ALK: variants seen among roughly 807,000 people sequenced by gnomAD.
ALK encodes ALK tyrosine kinase receptor.
In ALK, 74 loss-of-function variants were observed where a neutral mutation model predicts 163.1. The ratio of observed to expected loss-of-function variants is 0.45; its 90% CI spans 0.38 to 0.55. ALK has a LOEUF of 0.55. Among genes scored for constraint, ALK ranks in the 20% least tolerant of loss-of-function variants. The pLI, the probability that ALK is intolerant of heterozygous loss-of-function variation, is 0.00. For synonymous variants in ALK, 960 were observed against 843.2 expected, an observed-to-expected ratio of 1.14 and a Z score of -2.40; for missense variants, 2,063 against 2,105.3, an observed-to-expected ratio of 0.98 and a Z score of 0.39.
intron 7 of ALK, 147 bp downstream of exon 7, chr2:29,320,604 G>C: frequency 1.8e-6 from 2 of 1,104,260 alleles, no homozygotes; most frequent in South Asian, 2.5e-5. Flanking sequence ...GGTGTGAAGA[G>C]GGAATTGTGT....
intron 11 of ALK, among the ~76,000 whole-genome samples, chr2:29,252,961 A>C (rs1664860598): frequency 6.6e-6 from 1 of 151,722 alleles, no homozygotes; most frequent in Non-Finnish European, 1.5e-5. Context: ...AGTAGCTGGG[A>C]CTACAGACCT....
At chr2:29,226,891 C>T (rs1185701188) in intron 18 of ALK, 31 bp downstream of exon 18, 13 of 1,613,250 alleles carry the variant, frequency 8.1e-6, no homozygotes, top group Non-Finnish European at 1.1e-5. Flanking sequence ...GGCTATGGGC[C>T]CCTCTGCCTC....
chr2:29,914,789 T>C (rs1464209901), intron 1 of ALK, among the ~76,000 whole-genome samples: 11 of 152,202 alleles, frequency 7.2e-5, no homozygotes, highest in Admixed American at 4.6e-4. Flanking sequence ...TTGACATGTC[T>C]TGCTCTTTGT....
At chr2:29,781,215 G>A (rs1045759091) in intron 1 of ALK, among the ~76,000 whole-genome samples, 1 of 152,224 alleles carries the variant, frequency 6.6e-6, no homozygotes, top group African/African-American at 2.4e-5. Context: ...TGTCAGGGCT[G>A]TGGAGGCAGC....
chr2:29,830,761 AAGCATGGT>A (rs1248999730), intron 1 of ALK, among the ~76,000 whole-genome samples: 1 of 134,068 alleles, frequency 7.5e-6, no homozygotes, highest in Admixed American at 7.7e-5. Flanking sequence ...AAACTTAGCC[AAGCATGGT>A]GGCATGTGCC....
intron 1 of ALK, among the ~76,000 whole-genome samples, chr2:29,864,078 A>T (rs1666363895): frequency 6.6e-6 from 1 of 152,136 alleles, no homozygotes; most frequent in African/African-American, 2.4e-5. Context: ...CATTTTTCAG[A>T]CTAGAAAACT....
chr2:29,680,516 T>A (rs1390716033), intron 3 of ALK, among the ~76,000 whole-genome samples: 1 of 152,136 alleles, frequency 6.6e-6, no homozygotes, highest in Non-Finnish European at 1.5e-5. Context: ...ACCCAAGATT[T>A]TCCATTTTGG....
chr2:29,349,266 C>G (rs1467120399), intron 5 of ALK, among the ~76,000 whole-genome samples: 1 of 152,172 alleles, frequency 6.6e-6, no homozygotes, highest in South Asian at 2.1e-4. Flanking sequence ...TGTGTTGCAG[C>G]CTGCCACTTT....
At chr2:29,233,470 G>C (rs2148184317) in intron 14 of ALK, 95 bp downstream of exon 14, 7 of 1,554,912 alleles carry the variant, frequency 4.5e-6, no homozygotes, top group Non-Finnish European at 6.2e-6. Flanking sequence ...ACGGGGATAA[G>C]AGCATCTGAG....
At chr2:29,593,724 A>C (rs1675124354) in intron 3 of ALK, among the ~76,000 whole-genome samples, 1 of 152,214 alleles carries the variant, frequency 6.6e-6, no homozygotes, top group South Asian at 2.1e-4. Context: ...AGAAACCAAA[A>C]AGTTCAGAAG....
At chr2:29,355,585 A>G (rs1244504950) in intron 5 of ALK, among the ~76,000 whole-genome samples, 5 of 152,148 alleles carry the variant, frequency 3.3e-5, no homozygotes, top group East Asian at 1.9e-4. Context: ...GTGTTGCCCA[A>G]TGGGCCCTAG....
chr2:29,536,718 GAA>G (rs1390762234), intron 3 of ALK, among the ~76,000 whole-genome samples: 3 of 152,172 alleles, frequency 2.0e-5, no homozygotes, highest in Non-Finnish European at 2.9e-5. Flanking sequence ...GGAAAGTTTG[GAA>G]CTTCTTAGAG....
intron 1 of ALK, among the ~76,000 whole-genome samples, chr2:29,904,800 A>AATGTTCAG (rs1285595641): frequency 6.6e-6 from 1 of 152,186 alleles, no homozygotes; most frequent in Admixed American, 6.5e-5. Flanking sequence ...GGGGTTAACG[A>AATGTTCAG]ATGTTCAGAG....
At chr2:29,316,390 A>C (rs1666837097) in intron 8 of ALK, among the ~76,000 whole-genome samples, 1 of 152,178 alleles carries the variant, frequency 6.6e-6, no homozygotes, top group Non-Finnish European at 1.5e-5. Context: ...AAGGGCAGGG[A>C]ATAGCAGAAA....
At chr2:29,449,497 T>C (rs1463145010) in intron 4 of ALK, among the ~76,000 whole-genome samples, 2 of 152,200 alleles carry the variant, frequency 1.3e-5, no homozygotes, top group Non-Finnish European at 2.9e-5. Context: ...AGCTGCTGTG[T>C]TGGGGCCTCC....
intron 4 of ALK, among the ~76,000 whole-genome samples, chr2:29,491,350 T>C (rs1671894606): frequency 1.3e-5 from 2 of 152,182 alleles, no homozygotes; most frequent in South Asian, 4.1e-4. Context: ...ACTCAGTAAG[T>C]ATGCGTTGAT....
intron 28 of ALK, 40 bp downstream of exon 28, chr2:29,196,730 A>T (rs1380794210): frequency 6.9e-7 from 1 of 1,444,712 alleles, no homozygotes; most frequent in East Asian, 2.3e-5. Flanking sequence ...AGACTGTTTC[A>T]TATAGAGTAA....
At chr2:29,201,221 T>G (rs1347173567) in intron 26 of ALK, among the ~76,000 whole-genome samples, 1 of 152,078 alleles carries the variant, frequency 6.6e-6, no homozygotes, top group Non-Finnish European at 1.5e-5. Context: ...TACACCAAGA[T>G]CTCATACAGT....
chr2:29,339,413 A>T (rs1168795162), intron 5 of ALK, among the ~76,000 whole-genome samples: 1 of 152,152 alleles, frequency 6.6e-6, no homozygotes, highest in African/African-American at 2.4e-5. Context: ...AGTACGTCTC[A>T]AGAGGGTCAC....
Sources: gnomAD v4.1 joint callset for allele counts (sites outside exome capture counted in the v4.1 genomes callset) on GRCh38, gnomAD v4.1.1 for gene constraint, MANE v1.5 for transcripts, NCBI Gene and HGNC (gene_info 2026-07-23, HGNC 2026-07-21) for gene names.